Variants in WDR41 observed in about 807,000 individuals in gnomAD.
The protein encoded by WDR41 is WD repeat-containing protein 41.
Under a neutral mutation model 69.3 loss-of-function variants are expected in WDR41, and 63 were observed. That is an observed-to-expected ratio of 0.91 (90% CI 0.74 to 1.12). The LOEUF is 1.12. Ranked by LOEUF, WDR41 falls within the 50% of genes most tolerant of loss-of-function variation. WDR41 has a pLI of 0.00. For missense variants in WDR41, 543 were observed against 534.5 expected, an observed-to-expected ratio of 1.02 and a Z score of -0.16; for synonymous variants, 185 against 192.1, an observed-to-expected ratio of 0.96 and a Z score of 0.31.
chr5:77,618,398 A>G (rs1744716506), intron 1 of WDR41, among the ~76,000 whole-genome samples: 1 of 151,570 alleles, frequency 6.6e-6, no homozygotes, highest in Non-Finnish European at 1.5e-5. Context: ...TTTGAGATGG[A>G]GTCTCACTTT....
At chr5:77,600,561 TA>T (rs1030836268) in intron 1 of WDR41, among the ~76,000 whole-genome samples, 5 of 152,044 alleles carry the variant, frequency 3.3e-5, no homozygotes, top group Non-Finnish European at 7.4e-5. Context: ...GCTGTATATC[TA>T]AAAAAAATTT....
rs764613181 is a variant in WDR41 at position 77,433,446 on chromosome 5, AAAT to A, written c.1228-162_1228-160del. Among the ~76,000 whole-genome samples, 10 of 152,220 alleles carry A rather than the reference AAAT, an allele frequency of 6.6e-5. 1 individual carries two copies. In the South Asian group the frequency reaches 8.3e-4, roughly 13 times the overall value. On this transcript the variant is annotated intron_variant, in intron 12 of 12. Coordinates refer to ENST00000296679, the MANE Select transcript of WDR41 (RefSeq NM_018268.4). ...TTTTCAGTATTGGTAAGTCACATAC[AAAT>A]AATATCTAATATTTTAATCAGAATT... is the stretch of plus-strand genomic sequence containing the variant.
intron 1 of WDR41, among the ~76,000 whole-genome samples, chr5:77,520,275 C>T (rs1347286417): frequency 6.6e-6 from 1 of 152,094 alleles, no homozygotes. Flanking sequence ...TCTTTAGAAC[C>T]ATTATTCTAA....
chr5:77,473,768 T>C (rs1314765929), intron 2 of WDR41, among the ~76,000 whole-genome samples: 1 of 152,180 alleles, frequency 6.6e-6, no homozygotes, highest in Non-Finnish European at 1.5e-5. Flanking sequence ...CCAGTTAGAA[T>C]GGCGATCATT....
chr5:77,511,332 C>T (rs1025508863), intron 1 of WDR41, among the ~76,000 whole-genome samples: 5 of 152,142 alleles, frequency 3.3e-5, no homozygotes, highest in Non-Finnish European at 7.4e-5. Flanking sequence ...TTGTGCATTC[C>T]TACTAATGAG....
intron 1 of WDR41, among the ~76,000 whole-genome samples, chr5:77,537,573 G>A (rs1397900700): frequency 6.6e-6 from 1 of 152,152 alleles, no homozygotes; most frequent in African/African-American, 2.4e-5. Context: ...GGTCATTTAG[G>A]GCAGAAGAAA....
intron 1 of WDR41, among the ~76,000 whole-genome samples, chr5:77,558,117 C>CAAAAA (rs1473327209): frequency 8.2e-6 from 1 of 122,318 alleles, no homozygotes; most frequent in Admixed American, 8.4e-5. Context: ...AAAAAAAAAA[C>CAAAAA]AAAACAGGAG....
At chr5:77,566,150 T>C (rs1267959052) in intron 1 of WDR41, among the ~76,000 whole-genome samples, 2 of 152,116 alleles carry the variant, frequency 1.3e-5, no homozygotes, top group African/African-American at 2.4e-5. Flanking sequence ...AGAGGAAGCA[T>C]TGAAATTCAA....
chr5:77,551,442 C>G (rs1743293482), intron 1 of WDR41, among the ~76,000 whole-genome samples: 1 of 152,150 alleles, frequency 6.6e-6, no homozygotes, highest in Non-Finnish European at 1.5e-5. Context: ...CTTTGGGAGG[C>G]TGAGGCAGGA....
At chr5:77,461,711 G>A (rs1294310942) in intron 4 of WDR41, among the ~76,000 whole-genome samples, 3 of 151,882 alleles carry the variant, frequency 2.0e-5, no homozygotes, top group African/African-American at 4.8e-5. Flanking sequence ...GGTGGCAGGC[G>A]CCTGTAGTCC....
In WDR41 at chr5:77,437,326, A is replaced by G; in HGVS notation, c.1093+10T>C. 1.2e-6 allele frequency: 2 copies of G among 1,612,304 alleles called. No individual in the cohort carries two copies. The highest frequency in any genetic ancestry group is 2.2e-5 in the South Asian group (2 of 91,046). On this transcript the variant is annotated intron_variant, in intron 11 of 12. Transcript: ENST00000296679. The stretch of plus-strand genomic sequence containing the variant: ...AGAAAAAGACTACCTTTTTGAGAGA[A>G]GACACACACCTGTTGGTACAGGCTC...
chr5:77,486,974 T>C (rs1469513115), intron 2 of WDR41, among the ~76,000 whole-genome samples: 1 of 152,206 alleles, frequency 6.6e-6, no homozygotes, highest in Non-Finnish European at 1.5e-5. Context: ...CTAAAGTATA[T>C]GTGAGCACCA....
chr5:77,482,507 TCA>T (rs577857632), intron 2 of WDR41, among the ~76,000 whole-genome samples: 158 of 152,318 alleles, frequency 1.0e-3, no homozygotes, highest in African/African-American at 3.6e-3. Context: ...TGTCGAGTTC[TCA>T]CAGTCTGGGT....
At position 77,610,474 on chromosome 5, in the gene WDR41, A is replaced by G. The variant is rs1185630303; in HGVS notation, c.42+10005T>C. ...CTGATCTCTCAGCAGAAACTCTACA[A>G]GCCAGAAGAGAGTGGGGGCCAATAT... On this transcript the variant is annotated intron_variant, in intron 1 of 5. Coordinates refer to the WDR41 transcript ENST00000509971. Among the ~76,000 whole-genome samples, 37 of 152,360 alleles carry G rather than the reference A, an allele frequency of 2.4e-4. No homozygotes were observed. The South Asian group carries it at 4.8e-3, about 20-fold the overall frequency.
chr5:77,619,675 A>T (rs537647265), intron 1 of WDR41, among the ~76,000 whole-genome samples: 2 of 152,346 alleles, frequency 1.3e-5, no homozygotes, highest in South Asian at 4.1e-4. Context: ...GCAGGATATT[A>T]CACAGTAAGA....
At chr5:77,599,874 T>C (rs1483799284) in intron 1 of WDR41, among the ~76,000 whole-genome samples, 1 of 152,182 alleles carries the variant, frequency 6.6e-6, no homozygotes, top group East Asian at 1.9e-4. Context: ...TGATTCTGCT[T>C]ACTCAACAAA....
intron 1 of WDR41, among the ~76,000 whole-genome samples, chr5:77,490,101 T>C (rs1801705045): frequency 9.9e-6 from 1 of 100,630 alleles, no homozygotes; most frequent in Non-Finnish European, 1.8e-5. Context: ...GCTAGAGAAT[T>C]TTTTTTTTTC....
intron 2 of WDR41, among the ~76,000 whole-genome samples, chr5:77,480,618 G>C (rs1371378873): frequency 6.7e-6 from 1 of 149,364 alleles, no homozygotes; most frequent in African/African-American, 2.5e-5. Flanking sequence ...GGTGGGAACT[G>C]AACAATGAGA....
At chr5:77,463,899 T>C (rs555749132) in intron 3 of WDR41, among the ~76,000 whole-genome samples, 28 of 147,842 alleles carry the variant, frequency 1.9e-4, no homozygotes, top group South Asian at 6.3e-4. Flanking sequence ...GGCAAAGCCA[T>C]TGAAAAATAA....
Sources: gnomAD v4.1 joint callset for allele counts (sites outside exome capture counted in the v4.1 genomes callset) on GRCh38, gnomAD v4.1.1 for gene constraint, MANE v1.5 for transcripts, NCBI Gene and HGNC (gene_info 2026-07-23, HGNC 2026-07-21) for gene names.